The following LYZL4 variants were observed in gnomAD, a reference collection of about 807,000 sequenced individuals.
The protein encoded by LYZL4 is lysozyme like 4, also known as lysozyme-like protein 4.
Under a neutral mutation model 17.6 loss-of-function variants are expected in LYZL4, and 13 were observed. The observed-to-expected ratio is 0.74, with a 90% CI of 0.48 to 1.18. The LOEUF is 1.18. Ranked by LOEUF, LYZL4 falls within the 50% of genes most tolerant of loss-of-function variation. The pLI is 0.00. For synonymous variants in LYZL4, 64 were observed against 67.7 expected (o/e 0.95, Z 0.27); for missense variants, 174 against 188.2 (o/e 0.92, Z 0.44).
chr3:42,394,135 G>A (rs1698522477), downstream of LYZL4, among the ~76,000 whole-genome samples: 1 of 152,196 alleles, frequency 6.6e-6, no homozygotes, highest in Non-Finnish European at 1.5e-5. Context: ...TAGAAATGCT[G>A]TAGATTTCCA....
At chr3:42,386,395 G>GCTCCCCC in the LYZL4 span, among the ~76,000 whole-genome samples, 8 of 107,462 alleles carry the variant, frequency 7.4e-5, no homozygotes, top group Non-Finnish European at 1.3e-4. Flanking sequence ...GAGCCACCAC[G>GCTCCCCC]CCCCCCCCCC....
chr3:42,387,680 G>T, the LYZL4 span, among the ~76,000 whole-genome samples: 2 of 152,056 alleles, frequency 1.3e-5, no homozygotes, highest in Admixed American at 1.3e-4. Context: ...AAAAGAGAAA[G>T]GAAGAGAAAA....
At chr3:42,398,273 C>T (rs377325391) in intron 4 of LYZL4, among the ~76,000 whole-genome samples, 1 of 152,284 alleles carries the variant, frequency 6.6e-6, no homozygotes, top group African/African-American at 2.4e-5. Context: ...TTGGAGAACA[C>T]GTGGCTGCCT....
rs1698764741 is a variant in LYZL4, at chr3:42,406,925, A to G, written c.213T>C (p.Thr71=). 6.2e-7 allele frequency: 1 copy of G among 1,614,230 alleles called. No homozygotes were observed. Among genetic ancestry groups the G allele is most frequent in the Non-Finnish European group, 8.5e-7 (1 of 1,180,026 alleles). Reference sequence around the variant, plus strand: ...CACGCATCTGAAAGAGGCCAAAGCCAGTGTAGCCCTCACGTGTGTTCTCGT... The same window carrying G: ...CACGCATCTGAAAGAGGCCAAAGCCGGTGTAGCCCTCACGTGTGTTCTCGT... ...AIYENTREGY[T]GFGLFQMRGS... is the part of the protein sequence containing the mutation. The change falls in exon 3 of 5, where the codon ACT becomes ACC. Residue 71 remains threonine (T), a synonymous_variant. Transcript: ENST00000287748.
intron 4 of LYZL4, among the ~76,000 whole-genome samples, chr3:42,403,431 AT>A (rs928286526): frequency 2.0e-5 from 3 of 151,732 alleles, no homozygotes; most frequent in Non-Finnish European, 4.4e-5. Flanking sequence ...GACTTATTTT[AT>A]TTTATTTATT....
intron 4 of LYZL4, among the ~76,000 whole-genome samples, chr3:42,397,776 C>T (rs977944615): frequency 1.4e-4 from 21 of 152,274 alleles, no homozygotes; most frequent in Admixed American, 5.2e-4. Flanking sequence ...GCCCCTTTCA[C>T]CTTTCCACGT....
the LYZL4 span, among the ~76,000 whole-genome samples, chr3:42,366,753 G>A: frequency 6.6e-6 from 1 of 152,196 alleles, no homozygotes; most frequent in Non-Finnish European, 1.5e-5. Context: ...AACATGCCGA[G>A]TACCTACTAT....
chr3:42,365,072 T>C, the LYZL4 span, among the ~76,000 whole-genome samples: 461 of 152,246 alleles, frequency 3.0e-3, no homozygotes, highest in Non-Finnish European at 5.1e-3. Context: ...CAAAAGGGGA[T>C]TGTGCTAGAC....
At chr3:42,379,114 C>A in the LYZL4 span, among the ~76,000 whole-genome samples, 1 of 152,188 alleles carries the variant, frequency 6.6e-6, no homozygotes. Flanking sequence ...TGTTTGCTCA[C>A]AAGTCTGTGA....
chr3:42,387,986 A>T, the LYZL4 span, among the ~76,000 whole-genome samples: 1 of 152,048 alleles, frequency 6.6e-6, no homozygotes, highest in Non-Finnish European at 1.5e-5. Context: ...AGCAACAAAC[A>T]CTGCAACCAC....
the LYZL4 span, among the ~76,000 whole-genome samples, chr3:42,378,595 T>G: frequency 6.6e-6 from 1 of 152,210 alleles, no homozygotes; most frequent in Non-Finnish European, 1.5e-5. Context: ...TGTCCCTGTA[T>G]GTAAAAGGAC....
chr3:42,369,859 T>C, the LYZL4 span, among the ~76,000 whole-genome samples: 2 of 152,188 alleles, frequency 1.3e-5, no homozygotes, highest in Non-Finnish European at 2.9e-5. Flanking sequence ...GGCTGCTCCC[T>C]TCGAGTTCAG....
chr3:42,405,681 C>T (rs1406944925), intron 3 of LYZL4, among the ~76,000 whole-genome samples: 1 of 152,082 alleles, frequency 6.6e-6, no homozygotes. Context: ...GGAAGACCGC[C>T]TCAGATGTGA....
chr3:42,370,678 A>G, the LYZL4 span, among the ~76,000 whole-genome samples: 2 of 152,304 alleles, frequency 1.3e-5, no homozygotes, highest in East Asian at 3.9e-4. Flanking sequence ...TTCCTTCTAC[A>G]TGTCCCGATA....
chr3:42,385,427 G>A, the LYZL4 span, among the ~76,000 whole-genome samples: 3 of 152,264 alleles, frequency 2.0e-5, no homozygotes, highest in South Asian at 6.2e-4. Context: ...TGTAGCCTAG[G>A]AACAATAGGC....
the LYZL4 span, among the ~76,000 whole-genome samples, chr3:42,381,190 T>C: frequency 6.6e-6 from 1 of 152,202 alleles, no homozygotes; most frequent in African/African-American, 2.4e-5. Flanking sequence ...TTACATAGCA[T>C]TGTTGTGATA....
chr3:42,381,253 T>C, the LYZL4 span, among the ~76,000 whole-genome samples: 3 of 152,218 alleles, frequency 2.0e-5, no homozygotes, highest in East Asian at 5.8e-4. Context: ...CTTTAAACTA[T>C]TCCTTGACCC....
chr3:42,387,105 C>T, the LYZL4 span, among the ~76,000 whole-genome samples: 1 of 152,186 alleles, frequency 6.6e-6, no homozygotes, highest in African/African-American at 2.4e-5. Flanking sequence ...TTCATTTCCT[C>T]ACCTGAGGAC....
At chr3:42,387,576 C>G in the LYZL4 span, among the ~76,000 whole-genome samples, 1 of 152,146 alleles carries the variant, frequency 6.6e-6, no homozygotes, top group Non-Finnish European at 1.5e-5. Flanking sequence ...CCCCCCAACC[C>G]CTCATCGCCG....
Sources: allele counts gnomAD v4.1 joint callset (sites outside exome capture counted in the v4.1 genomes callset), GRCh38; gene constraint gnomAD v4.1.1; transcripts MANE v1.5; gene names NCBI Gene and HGNC (gene_info 2026-07-23, HGNC 2026-07-21).